ADAMTS19: variants seen among roughly 807,000 people sequenced by gnomAD.
ADAMTS19 encodes ADAM metallopeptidase with thrombospondin type 1 motif 19, also known as A disintegrin and metalloproteinase with thrombospondin motifs 19.
A neutral mutation model predicts 153.3 loss-of-function variants in ADAMTS19; 93 were observed. The observed-to-expected ratio is 0.61, with a 90% CI of 0.51 to 0.72. ADAMTS19 has a LOEUF of 0.72. Among genes scored for constraint, ADAMTS19 ranks in the 30% least tolerant of loss-of-function variants. ADAMTS19 has a pLI of 0.00. For synonymous variants in ADAMTS19, 600 were observed against 556.6 expected, an observed-to-expected ratio of 1.08 and a Z score of -1.10; for missense variants, 1,482 against 1,552.1, an observed-to-expected ratio of 0.95 and a Z score of 0.76.
intron 11 of ADAMTS19, among the ~76,000 whole-genome samples, chr5:129,644,936 T>A (rs1412796553): frequency 2.0e-5 from 3 of 152,180 alleles, no homozygotes; most frequent in African/African-American, 7.2e-5. Context: ...AGTCACAATG[T>A]GCATATGTAC....
intron 6 of ADAMTS19, among the ~76,000 whole-genome samples, chr5:129,541,117 T>C (rs1207071953): frequency 6.6e-6 from 1 of 152,098 alleles, no homozygotes; most frequent in African/African-American, 2.4e-5. Flanking sequence ...TGCTGACAAT[T>C]TATTTTTCAA....
At chr5:129,607,012 G>A (rs1000927239) in intron 8 of ADAMTS19, among the ~76,000 whole-genome samples, 7 of 152,086 alleles carry the variant, frequency 4.6e-5, no homozygotes, top group African/African-American at 9.7e-5. Flanking sequence ...CCATCTCCTG[G>A]GTTCAAGCGA....
At chr5:129,577,787 AT>A (rs1447883087) in intron 7 of ADAMTS19, among the ~76,000 whole-genome samples, 1 of 152,056 alleles carries the variant, frequency 6.6e-6, no homozygotes, top group Non-Finnish European at 1.5e-5. Flanking sequence ...TATATTTGTT[AT>A]ATTGCCTTGA....
chr5:129,683,748 A>G (rs971925507), intron 17 of ADAMTS19, among the ~76,000 whole-genome samples: 1 of 151,166 alleles, frequency 6.6e-6, no homozygotes, highest in Admixed American at 6.6e-5. Flanking sequence ...TCCTGCCGCC[A>G]CTTTTGCCCA....
intron 6 of ADAMTS19, among the ~76,000 whole-genome samples, chr5:129,549,343 A>G: frequency 6.6e-6 from 1 of 151,722 alleles, no homozygotes; most frequent in East Asian, 1.9e-4. Flanking sequence ...TGTGTTCTTT[A>G]TAAGAGACTC....
intron 13 of ADAMTS19, among the ~76,000 whole-genome samples, chr5:129,652,029 T>TA (rs936518516): frequency 6.9e-4 from 105 of 151,342 alleles, no homozygotes; most frequent in African/African-American, 2.2e-3. Flanking sequence ...TTCTCCAAAT[T>TA]AAAAAAAAAT....
intron 18 of ADAMTS19, among the ~76,000 whole-genome samples, chr5:129,691,740 A>G (rs1194969412): frequency 1.3e-5 from 2 of 152,174 alleles, no homozygotes; most frequent in Non-Finnish European, 2.9e-5. Flanking sequence ...ATTCATACTC[A>G]TGCACCTTCA....
intron 10 of ADAMTS19, among the ~76,000 whole-genome samples, chr5:129,635,637 A>G (rs1322887795): frequency 1.3e-5 from 2 of 152,188 alleles, no homozygotes; most frequent in Non-Finnish European, 2.9e-5. Flanking sequence ...TATTATTAGC[A>G]AACTAATGCA....
At chr5:129,673,871 C>G (rs540566960) in intron 16 of ADAMTS19, among the ~76,000 whole-genome samples, 1 of 152,046 alleles carries the variant, frequency 6.6e-6, no homozygotes, top group Non-Finnish European at 1.5e-5. Flanking sequence ...TGTAAATGAC[C>G]TTTAAAAACA....
intron 7 of ADAMTS19, among the ~76,000 whole-genome samples, chr5:129,565,885 T>A (rs2126853121): frequency 6.6e-6 from 1 of 152,208 alleles, no homozygotes; most frequent in African/African-American, 2.4e-5. Flanking sequence ...CAGTAGAAAT[T>A]TTTCTTAGCA....
At position 129,622,366 on chromosome 5, in the gene ADAMTS19, G is replaced by A; in HGVS notation, c.1770+18G>A. The A allele has an allele frequency of 6.2e-7, 1 of 1,613,586 alleles. No homozygotes were observed. Among genetic ancestry groups the A allele is most frequent in the Non-Finnish European group, 8.5e-7 (1 of 1,179,692 alleles). On this transcript the variant is annotated intron_variant, in intron 10 of 22. Transcript: ENST00000274487. ...AGATGCAGGTAAAGATCCAGGTGGG[G>A]ATTTTGTGCGTTCATTCATTGTTTA... is the stretch of plus-strand genomic sequence containing the variant.
At chr5:129,726,092 G>A (rs1270822700) in intron 21 of ADAMTS19, among the ~76,000 whole-genome samples, 1 of 152,074 alleles carries the variant, frequency 6.6e-6, no homozygotes. Context: ...ATCCTTGTAA[G>A]CAATTTTCTA....
chr5:129,509,939 A>G (rs1473669396), intron 3 of ADAMTS19, among the ~76,000 whole-genome samples: 1 of 151,866 alleles, frequency 6.6e-6, no homozygotes, highest in Non-Finnish European at 1.5e-5. Context: ...AAAATGAATG[A>G]ATTCTGTTAC....
intron 13 of ADAMTS19, among the ~76,000 whole-genome samples, chr5:129,651,671 A>T (rs1031982769): frequency 5.9e-5 from 9 of 152,174 alleles, no homozygotes; most frequent in Non-Finnish European, 1.3e-4. Context: ...TCCTCTAGGA[A>T]GAAAGAATCC....
At chr5:129,625,142 C>T (rs1475760550) in intron 10 of ADAMTS19, among the ~76,000 whole-genome samples, 1 of 152,148 alleles carries the variant, frequency 6.6e-6, no homozygotes, top group Non-Finnish European at 1.5e-5. Flanking sequence ...CCAGCTTCAT[C>T]CATGTAGCTA....
At chr5:129,489,475 T>TC (rs1241282406) in intron 2 of ADAMTS19, among the ~76,000 whole-genome samples, 1 of 152,256 alleles carries the variant, frequency 6.6e-6, no homozygotes, top group African/African-American at 2.4e-5. Context: ...TGTATGAAAT[T>TC]CTTGATATAT....
rs1752067254 is a variant in ADAMTS19, at chr5:129,527,772, A to C, written c.1111A>C (p.Ser371Arg). Residue 371 changes from serine to arginine, a missense_variant, in exon 5 of 23, where the codon AGT (serine) becomes CGT (arginine). Physicochemically the swap from Ser to Arg is moderately radical, Grantham distance 110 (BLOSUM62 -1). Around this residue, in one of 2 missense-constraint regions of ADAMTS19, gnomAD observed 866 missense variants for 827.7 expected, o/e 1.05. Transcript: ENST00000274487. ...NMVFNLFQHK[S>R]LSVQVNLRVI... ...GGTATTTAACCTTTTCCAACACAAG[A>C]GTCTGAGTGTGCAGGTCAATCTTCG... The C allele has an allele frequency of 6.3e-7, 1 of 1,590,862 alleles. No homozygotes were observed. The highest frequency in any genetic ancestry group is 8.6e-7 in the Non-Finnish European group (1 of 1,163,200).
At chr5:129,672,191 T>C (rs969376981) in intron 16 of ADAMTS19, among the ~76,000 whole-genome samples, 1 of 152,066 alleles carries the variant, frequency 6.6e-6, no homozygotes, top group Non-Finnish European at 1.5e-5. Context: ...GGGACTCTTA[T>C]AAGAACACTA....
chr5:129,506,145 G>A (rs968036367), intron 2 of ADAMTS19, among the ~76,000 whole-genome samples: 6 of 150,200 alleles, frequency 4.0e-5, no homozygotes, highest in South Asian at 2.1e-4. Flanking sequence ...AGCCCTTTGC[G>A]GGGACACAGA....
Sources: gnomAD v4.1 joint callset for allele counts (sites outside exome capture counted in the v4.1 genomes callset) on GRCh38, gnomAD v4.1.1 for gene constraint, gnomAD v4.1.1 regional missense constraint, MANE v1.5 for transcripts, NCBI Gene and HGNC (gene_info 2026-07-23, HGNC 2026-07-21) for gene names.